Variants in ZFHX3 observed in about 807,000 individuals in gnomAD.
ZFHX3 encodes the protein zinc finger homeobox protein 3.
A neutral mutation model predicts 279.1 loss-of-function variants in ZFHX3; 42 were observed. The ratio of observed to expected loss-of-function variants is 0.15; its 90% CI spans 0.12 to 0.19. The LOEUF is 0.19. Ranked by LOEUF, ZFHX3 falls within the 10% of genes least tolerant of loss-of-function variation. The pLI is 1.00. For missense variants in ZFHX3, 4,981 were observed against 4,754.0 expected (o/e 1.05, Z -1.40); for synonymous variants, 2,293 against 1,957.8 (o/e 1.17, Z -4.52).
At chr16:73,378,582 G>C (rs780706449) in intron 3 of ZFHX3, among the ~76,000 whole-genome samples, 2 of 152,128 alleles carry the variant, frequency 1.3e-5, no homozygotes, top group Non-Finnish European at 2.9e-5. Context: ...TAAGATAAAA[G>C]ACATGCTTCT....
At chr16:73,291,371 G>A (rs1407645088) in intron 4 of ZFHX3, among the ~76,000 whole-genome samples, 1 of 152,178 alleles carries the variant, frequency 6.6e-6, no homozygotes, top group Non-Finnish European at 1.5e-5. Context: ...AGCTCTCGGA[G>A]TTTCCAGGTT....
intron 3 of ZFHX3, among the ~76,000 whole-genome samples, chr16:73,407,939 G>T (rs2017393794): frequency 6.6e-6 from 1 of 152,032 alleles, no homozygotes; most frequent in Non-Finnish European, 1.5e-5. Flanking sequence ...CCTACAGGCT[G>T]GGGAAAGCAA....
chr16:73,659,474 C>CAAAG (rs3049584), intron 2 of ZFHX3, among the ~76,000 whole-genome samples: 148,028 of 152,162 alleles, frequency 0.97, 72,028 homozygotes, highest in East Asian at 1. Context: ...TGAAGAAAAA[C>CAAAG]GAAGAGAAGT....
At position 72,933,813 on chromosome 16, in the gene ZFHX3, C is replaced by CTTTTTTTTTTTT. The variant is rs71391468; in HGVS notation, c.3216+16644_3216+16655dup. On this transcript the variant is annotated intron_variant, in intron 3 of 9. Transcript: ENST00000268489. ...TATGAAATGTTTAGCTCACAACTTTCTTTTTTTTTTTTTTTTTTTTTTTGA... is the reference window on the plus strand; with the variant it reads ...TATGAAATGTTTAGCTCACAACTTTCTTTTTTTTTTTTTTTTTTTTTTTTTTTTTTTTTTTGA... Among the ~76,000 whole-genome samples, 34 of 112,474 alleles carry CTTTTTTTTTTTT rather than the reference C, an allele frequency of 3.0e-4. 3 individuals carry two copies. The highest frequency in any genetic ancestry group is 4.1e-4 in the Non-Finnish European group (21 of 50,704). 73.8% of individuals were successfully genotyped at this position (112,474 alleles called of 152,430 possible). A position where few individuals can be genotyped will look rare whatever the true frequency, so the allele number is the denominator to read the frequency against.
At chr16:73,363,451 T>C (rs1400215544) in intron 3 of ZFHX3, among the ~76,000 whole-genome samples, 2 of 152,140 alleles carry the variant, frequency 1.3e-5, no homozygotes, top group Non-Finnish European at 2.9e-5. Flanking sequence ...CCATTTTATC[T>C]CCATCTCCTC....
At chr16:73,132,054 G>A (rs528720051) in intron 6 of ZFHX3, among the ~76,000 whole-genome samples, 2 of 152,230 alleles carry the variant, frequency 1.3e-5, no homozygotes, top group Non-Finnish European at 2.9e-5. Context: ...AGGAGACCGA[G>A]GTGGGAAGAT....
intron 2 of ZFHX3, among the ~76,000 whole-genome samples, chr16:73,525,389 A>G (rs147879878): frequency 3.6e-4 from 55 of 152,356 alleles, no homozygotes; most frequent in African/African-American, 1.3e-3. Context: ...GCTAATGAGA[A>G]GACCCTCCCT....
Position 73,744,223 on chromosome 16 carries a change from G to A in ZFHX3, c.-1607-63983C>T, listed in dbSNP as rs551031189. Among the ~76,000 whole-genome samples the A allele has an allele frequency of 3.9e-5, 6 of 152,306 alleles. No individual in the cohort carries two copies. In the South Asian group the frequency reaches 8.3e-4, roughly 21 times the overall value. On this transcript the variant is annotated intron_variant, in intron 1 of 17. Transcript: ENST00000641206. ...CGTACAAAAGTAGTTATTAATTTAC[G>A]CTCATTATCTAAAGATGTTTGCCAG... is the stretch of plus-strand genomic sequence containing the variant.
intron 1 of ZFHX3, among the ~76,000 whole-genome samples, chr16:73,030,763 A>C (rs1419833015): frequency 6.6e-6 from 1 of 152,220 alleles, no homozygotes; most frequent in Non-Finnish European, 1.5e-5. Context: ...AAGAAGGCTA[A>C]TATGATACAT....
chr16:73,807,164 C>T (rs984305254), intron 1 of ZFHX3, among the ~76,000 whole-genome samples: 1 of 152,190 alleles, frequency 6.6e-6, no homozygotes, highest in Non-Finnish European at 1.5e-5. Flanking sequence ...GGCATTTCAG[C>T]TGTGGATGCC....
At chr16:73,790,664 G>T (rs1317282210) in intron 1 of ZFHX3, among the ~76,000 whole-genome samples, 1 of 152,174 alleles carries the variant, frequency 6.6e-6, no homozygotes, top group Non-Finnish European at 1.5e-5. Context: ...AAGGCTGGTG[G>T]CCTTATTCTG....
chr16:73,365,925 T>C (rs1271985612), intron 3 of ZFHX3, among the ~76,000 whole-genome samples: 1 of 152,068 alleles, frequency 6.6e-6, no homozygotes, highest in Non-Finnish European at 1.5e-5. Context: ...TGGACCTGGG[T>C]CTGCTTGGTG....
intron 5 of ZFHX3, among the ~76,000 whole-genome samples, chr16:73,236,514 C>T (rs181406399): frequency 6.6e-6 from 1 of 152,194 alleles, no homozygotes; most frequent in Non-Finnish European, 1.5e-5. Flanking sequence ...TGCTGAATTG[C>T]TTGAGCCTGA....
chr16:73,327,333 T>C (rs866252119), intron 3 of ZFHX3, among the ~76,000 whole-genome samples: 11 of 152,130 alleles, frequency 7.2e-5, no homozygotes, highest in African/African-American at 2.4e-4. Context: ...TTCCAAGTAT[T>C]CCATGAGACC....
At position 72,797,564 on chromosome 16, in the gene ZFHX3, C is replaced by T. The variant is rs1429755284; in HGVS notation, c.5118G>A (p.Glu1706=). Residue 1706 remains glutamate (E), a synonymous_variant, in exon 9 of 10, where the codon GAG becomes GAA. Transcript: ENST00000268489. ...GTTTCTTCCGATTGGCCTCTTTGGG[C>T]TCTGAAGGGGAAGCAATGTTGGCAC... is the stretch of plus-strand genomic sequence containing the variant. ...PIGANIASPS[E]PKEANRKKLA... The T allele has an allele frequency of 3.7e-6, 6 of 1,614,004 alleles. No homozygotes were observed. Among genetic ancestry groups the T allele is most frequent in the Non-Finnish European group, 5.1e-6 (6 of 1,180,004 alleles).
intron 3 of ZFHX3, among the ~76,000 whole-genome samples, chr16:73,328,800 T>C (rs993058482): frequency 2.0e-5 from 3 of 152,236 alleles, no homozygotes; most frequent in African/African-American, 7.2e-5. Flanking sequence ...TCCATTTGCT[T>C]CCTGTTGAAA....
chr16:73,780,631 G>A (rs772856169), intron 1 of ZFHX3, among the ~76,000 whole-genome samples: 3 of 152,114 alleles, frequency 2.0e-5, no homozygotes, highest in African/African-American at 4.8e-5. Flanking sequence ...TAATAGAGAC[G>A]AGGTTTCGCC....
In ZFHX3 at chr16:73,000,591, G is replaced by A. The variant is rs186949893; in HGVS notation, c.-49-40397C>T. Among the ~76,000 whole-genome samples the A allele has an allele frequency of 2.4e-3, 363 of 152,234 alleles. 3 individuals carry two copies. The highest frequency in any genetic ancestry group is 8.2e-3 in the African/African-American group (339 of 41,532). On this transcript the variant is annotated intron_variant, in intron 1 of 9. Transcript: ENST00000268489. ...CAACTTCAGGAAGCTTTTCTGTCTCGACCCGTGGGCTCCCAAAGAGCTCCT... is the reference window on the plus strand; with the variant it reads ...CAACTTCAGGAAGCTTTTCTGTCTCAACCCGTGGGCTCCCAAAGAGCTCCT...
At chr16:73,430,294 C>T (rs187631444) in intron 3 of ZFHX3, among the ~76,000 whole-genome samples, 321 of 152,262 alleles carry the variant, frequency 2.1e-3, no homozygotes, top group Non-Finnish European at 3.6e-3. Flanking sequence ...ACAATGAATC[C>T]ATTTAATTAA....
Sources: allele counts gnomAD v4.1 joint callset (sites outside exome capture counted in the v4.1 genomes callset), GRCh38; gene constraint gnomAD v4.1.1; transcripts MANE v1.5; gene names NCBI Gene and HGNC (gene_info 2026-07-23, HGNC 2026-07-21).